The following SHROOM4 variants were observed in gnomAD, a reference collection of about 807,000 sequenced individuals.
SHROOM4 encodes the protein shroom family member 4.
A neutral mutation model predicts 80.3 loss-of-function variants in SHROOM4; 17 were observed. That is an observed-to-expected ratio of 0.21 (90% CI 0.14 to 0.32). The LOEUF is 0.32. Ranked by LOEUF, SHROOM4 falls within the 10% of genes least tolerant of loss-of-function variation. The pLI is 1.00. For synonymous variants in SHROOM4, 400 were observed against 437.5 expected (o/e 0.91, Z 1.07); for missense variants, 993 against 1,140.3 (o/e 0.87, Z 1.86).
intron 7 of SHROOM4, among the ~76,000 whole-genome samples, chrX:50,602,063 T>G (rs1456060367): frequency 9.0e-6 from 1 of 111,475 alleles, no homozygotes; most frequent in Non-Finnish European, 1.9e-5. Context: ...TAGTAATATC[T>G]GCCTTGTTGG....
At chrX:50,650,106 G>T (rs182182075) in intron 2 of SHROOM4, among the ~76,000 whole-genome samples, 1 of 112,054 alleles carries the variant, frequency 8.9e-6, no homozygotes, top group African/African-American at 3.2e-5. Context: ...GGCTCACAAT[G>T]TAATGGTAAA....
intron 5 of SHROOM4, among the ~76,000 whole-genome samples, chrX:50,611,497 G>A (rs1557249881): frequency 1.1e-5 from 1 of 92,854 alleles, no homozygotes; most frequent in Non-Finnish European, 2.3e-5. Context: ...GAAAATAAAC[G>A]GGAAAAAAAT....
chrX:50,804,857 G>A (rs1557272913), intron 1 of SHROOM4, among the ~76,000 whole-genome samples: 3 of 111,498 alleles, frequency 2.7e-5, no homozygotes, highest in African/African-American at 9.8e-5. Context: ...CACAACTGAA[G>A]TATCCAAATC....
At chrX:50,778,635 C>A (rs928882648) in intron 1 of SHROOM4, among the ~76,000 whole-genome samples, 8 of 112,436 alleles carry the variant, frequency 7.1e-5, no homozygotes, top group Admixed American at 1.9e-4. Context: ...GTTTATTCAT[C>A]CCCTTTCTTA....
At chrX:50,636,978 T>G (rs1931384123) in intron 3 of SHROOM4, among the ~76,000 whole-genome samples, 1 of 111,622 alleles carries the variant, frequency 9.0e-6, no homozygotes, top group Non-Finnish European at 1.9e-5. Context: ...TGGCAGCTGC[T>G]ACTCTCTTGA....
Position 50,602,804 on chromosome X carries a change from A to T in SHROOM4, c.3771T>A (p.Phe1257Leu). ...QEATESAKQE[F>L]QHFSPPSGAP... ...CCCCTGAAGGAGGCGAAAAGTGCTG[A>T]AACTCTTGTCTGTGGAAACAAAGAA... is the stretch of plus-strand genomic sequence containing the variant. The change falls in exon 7 of 9, where the codon TTT (phenylalanine) becomes TTA (leucine). Residue 1257 changes from phenylalanine to leucine, a missense_variant. By Grantham distance (22) the Phe-to-Leu change is conservative. Coordinates refer to ENST00000376020, the MANE Select transcript of SHROOM4 (RefSeq NM_020717.5). 8.3e-7 allele frequency: 1 copy of T among 1,210,324 alleles called. No homozygotes were observed. Among genetic ancestry groups the T allele is most frequent in the Non-Finnish European group, 1.1e-6 (1 of 894,586 alleles).
intron 1 of SHROOM4, among the ~76,000 whole-genome samples, chrX:50,729,389 A>T (rs1404431298): frequency 8.9e-6 from 1 of 112,029 alleles, no homozygotes; most frequent in East Asian, 2.8e-4. Flanking sequence ...AATATTCACT[A>T]GAGATTTAAG....
At chrX:50,811,362 C>G (rs1484243185) in intron 1 of SHROOM4, among the ~76,000 whole-genome samples, 1 of 109,638 alleles carries the variant, frequency 9.1e-6, no homozygotes, top group East Asian at 2.9e-4. Flanking sequence ...ATTTAAAGAC[C>G]ACCCACTTGA....
chrX:50,667,834 AAG>A (rs1557260456), intron 2 of SHROOM4, among the ~76,000 whole-genome samples: 8 of 111,872 alleles, frequency 7.2e-5, no homozygotes, highest in Non-Finnish European at 1.5e-4. Flanking sequence ...TGGAGCTGAG[AAG>A]CAACAACCTG....
chrX:50,688,868 T>A (rs897773115), intron 2 of SHROOM4, among the ~76,000 whole-genome samples: 1 of 110,614 alleles, frequency 9.0e-6, no homozygotes, highest in South Asian at 3.9e-4. Context: ...TAGTTATATT[T>A]TTCGTGGTCA....
At chrX:50,740,114 T>C (rs1934615788) in intron 1 of SHROOM4, among the ~76,000 whole-genome samples, 1 of 76,854 alleles carries the variant, frequency 1.3e-5, no homozygotes, top group South Asian at 8.5e-4. Flanking sequence ...TTCTCACTCA[T>C]AGGTGGGAAT....
intron 2 of SHROOM4, among the ~76,000 whole-genome samples, chrX:50,652,542 G>C (rs1205362736): frequency 2.7e-5 from 3 of 111,811 alleles, no homozygotes; most frequent in Admixed American, 9.5e-5. Context: ...TCTGATGATA[G>C]TTTCTTTTGC....
In SHROOM4 at chrX:50,782,575, A is replaced by G. The variant is rs782305318; in HGVS notation, c.117+31327T>C. On this transcript the variant is annotated intron_variant, in intron 1 of 8. Transcript: ENST00000376020. Reference sequence around the variant, plus strand: ...GAAACTCAGGTTTAAGAGAAGTTACATAGTGAAAACAATGTAAATATCCTA... The same window carrying G: ...GAAACTCAGGTTTAAGAGAAGTTACGTAGTGAAAACAATGTAAATATCCTA... Among the ~76,000 whole-genome samples, 5 of 112,262 alleles carry G rather than the reference A, an allele frequency of 4.5e-5. No individual in the cohort carries two copies. In the East Asian group the frequency reaches 1.1e-3, roughly 25 times the overall value.
intron 1 of SHROOM4, among the ~76,000 whole-genome samples, chrX:50,750,721 C>T (rs1044103422): frequency 3.6e-5 from 4 of 112,233 alleles, no homozygotes; most frequent in Non-Finnish European, 7.5e-5. Context: ...TCTGCATTGA[C>T]CTCAGCTGAT....
chrX:50,689,090 C>T (rs1224682497), intron 2 of SHROOM4, among the ~76,000 whole-genome samples: 1 of 111,124 alleles, frequency 9.0e-6, no homozygotes, highest in Admixed American at 9.6e-5. Flanking sequence ...ATTGAATGTT[C>T]CCAACATAAA....
intron 1 of SHROOM4, among the ~76,000 whole-genome samples, chrX:50,782,649 A>G (rs1557270752): frequency 8.9e-6 from 1 of 112,426 alleles, no homozygotes. Context: ...CATACAATCG[A>G]TACACACAAT....
intron 2 of SHROOM4, among the ~76,000 whole-genome samples, chrX:50,646,527 A>AGAGTGTGTGT (rs1931843523): frequency 1.3e-5 from 1 of 78,781 alleles, no homozygotes; most frequent in Non-Finnish European, 2.5e-5. Flanking sequence ...AGGGGGGAAG[A>AGAGTGTGTGT]GTGTGTGTGT....
intron 2 of SHROOM4, among the ~76,000 whole-genome samples, chrX:50,683,091 C>A (rs1932977366): frequency 9.0e-6 from 1 of 111,655 alleles, no homozygotes; most frequent in African/African-American, 3.3e-5. Context: ...GACTGGCTCT[C>A]CTTGCTCCTC....
chrX:50,750,913 T>C (rs1934902630), intron 1 of SHROOM4, among the ~76,000 whole-genome samples: 1 of 112,180 alleles, frequency 8.9e-6, no homozygotes, highest in East Asian at 2.8e-4. Flanking sequence ...TGCTGGCCAT[T>C]AAGATTTGAC....
Sources: allele counts gnomAD v4.1 joint callset (sites outside exome capture counted in the v4.1 genomes callset), GRCh38; gene constraint gnomAD v4.1.1; transcripts MANE v1.5; gene names NCBI Gene and HGNC (gene_info 2026-07-23, HGNC 2026-07-21).